The following DSCAM variants were observed in gnomAD, a reference collection of about 807,000 sequenced individuals.
DSCAM encodes cell adhesion molecule DSCAM.
In DSCAM, 47 loss-of-function variants were observed where a neutral mutation model predicts 217.7. That is an observed-to-expected ratio of 0.22 (90% confidence interval 0.17 to 0.28). The LOEUF (loss-of-function observed/expected upper bound fraction) is 0.28. DSCAM is among the 10% of genes least tolerant of loss of function. DSCAM has a pLI of 1.00. For synonymous variants in DSCAM, 1,056 were observed against 1,015.3 expected, an observed-to-expected ratio of 1.04 and a Z score of -0.76; for missense variants, 2,080 against 2,618.3, an observed-to-expected ratio of 0.79 and a Z score of 4.49.
At chr21:40,678,237 T>C (rs36055751) in intron 3 of DSCAM, among the ~76,000 whole-genome samples, 52,849 of 152,026 alleles carry the variant, frequency 0.35, 10,585 homozygotes, top group Non-Finnish European at 0.45. Flanking sequence ...TTTTGTGTCT[T>C]TTTAAAACAG....
chr21:40,259,623 T>G (rs1220948478), intron 11 of DSCAM, among the ~76,000 whole-genome samples: 1 of 150,560 alleles, frequency 6.6e-6, no homozygotes, highest in Non-Finnish European at 1.5e-5. Context: ...GGTTACTGAA[T>G]AGTTCTTAGA....
At chr21:40,618,011 A>G (rs1278775527) in intron 3 of DSCAM, among the ~76,000 whole-genome samples, 2 of 152,216 alleles carry the variant, frequency 1.3e-5, no homozygotes, top group African/African-American at 2.4e-5. Context: ...AAGCCTCACG[A>G]ACCATAGGAA....
At chr21:40,565,693 G>A (rs2076758971) in intron 3 of DSCAM, among the ~76,000 whole-genome samples, 1 of 152,194 alleles carries the variant, frequency 6.6e-6, no homozygotes, top group Admixed American at 6.5e-5. Context: ...CTTATCTGAA[G>A]AAGGGCCATA....
At chr21:40,342,664 T>TTTG (rs2074510471) in intron 6 of DSCAM, among the ~76,000 whole-genome samples, 1 of 135,996 alleles carries the variant, frequency 7.4e-6, no homozygotes, top group Non-Finnish European at 1.5e-5. Context: ...TTTTTTTTTT[T>TTTG]GAGACAGTGT....
Position 40,042,598 on chromosome 21 carries a change from T to A in DSCAM, c.5459A>T (p.His1820Leu). The change falls in exon 32 of 33, where the codon CAC (histidine) becomes CTC (leucine). Residue 1820 changes from histidine (H) to leucine (L), a missense_variant. His to Leu is a moderately conservative substitution (Grantham distance 99). This residue lies in a region of DSCAM where 1,144 missense variants were observed against 1,421.1 expected (regional missense o/e 0.81). Transcript: ENST00000400454. ...TYEELARAYE[H>L]AKMEEQLRHA... ...CCTCAGTTGCTCTTCCATCTTGGCGTGTTCGTAGGCCCTGGCCAGTTCTTC... is the reference window on the plus strand; with the variant it reads ...CCTCAGTTGCTCTTCCATCTTGGCGAGTTCGTAGGCCCTGGCCAGTTCTTC... The A allele has an allele frequency of 6.2e-7, 1 of 1,614,122 alleles. No homozygotes were observed. Among genetic ancestry groups the A allele is most frequent in the Non-Finnish European group, 8.5e-7 (1 of 1,180,016 alleles).
At chr21:40,734,765 T>C (rs762723981) in intron 1 of DSCAM, among the ~76,000 whole-genome samples, 3 of 152,218 alleles carry the variant, frequency 2.0e-5, no homozygotes, top group Non-Finnish European at 4.4e-5. Flanking sequence ...CTTTTTTCCT[T>C]CTAATGTTGT....
At chr21:40,338,988 G>T in intron 7 of DSCAM, 131 bp downstream of exon 7, 1 of 1,157,042 alleles carries the variant, frequency 8.6e-7, no homozygotes. Context: ...GTAGGAAGGA[G>T]AGGGTAGGAA....
At chr21:40,450,282 A>G (rs1053573290) in intron 3 of DSCAM, among the ~76,000 whole-genome samples, 2 of 152,216 alleles carry the variant, frequency 1.3e-5, no homozygotes, top group Non-Finnish European at 2.9e-5. Context: ...AATCACTTTT[A>G]GTTTGCTGAA....
At chr21:40,766,344 T>TA (rs1012834400) in intron 1 of DSCAM, among the ~76,000 whole-genome samples, 4 of 152,068 alleles carry the variant, frequency 2.6e-5, no homozygotes, top group Non-Finnish European at 5.9e-5. Flanking sequence ...TATATATATA[T>TA]ATTTTCAAAG....
At chr21:40,743,176 C>G (rs1277862203) in intron 1 of DSCAM, among the ~76,000 whole-genome samples, 1 of 152,150 alleles carries the variant, frequency 6.6e-6, no homozygotes, top group Non-Finnish European at 1.5e-5. Flanking sequence ...AGCTACAGAA[C>G]AGATTTTATT....
At chr21:40,563,440 T>C (rs892627421) in intron 3 of DSCAM, among the ~76,000 whole-genome samples, 1 of 148,106 alleles carries the variant, frequency 6.8e-6, no homozygotes, top group Non-Finnish European at 1.5e-5. Flanking sequence ...AGATCAATGA[T>C]AATACTATCT....
At chr21:40,177,061 AAGG>A (rs1351556445) in intron 15 of DSCAM, among the ~76,000 whole-genome samples, 2 of 143,280 alleles carry the variant, frequency 1.4e-5, no homozygotes, top group African/African-American at 4.9e-5. Context: ...CTTGAGAGAG[AAGG>A]AGAAGATTGA....
At chr21:40,671,109 CGTGA>C (rs564161974) in intron 3 of DSCAM, among the ~76,000 whole-genome samples, 617 of 152,284 alleles carry the variant, frequency 4.1e-3, no homozygotes, top group Non-Finnish European at 5.2e-3. Context: ...TAGTCACATA[CGTGA>C]GTGTCTAAAA....
intron 3 of DSCAM, among the ~76,000 whole-genome samples, chr21:40,665,577 G>A (rs8131221): frequency 0.34 from 51,951 of 151,920 alleles, 9,844 homozygotes; most frequent in Non-Finnish European, 0.43. Flanking sequence ...GAAATTCCCC[G>A]TACAGCCCCC....
intron 3 of DSCAM, among the ~76,000 whole-genome samples, chr21:40,652,483 T>A (rs1452401032): frequency 1.3e-5 from 2 of 152,180 alleles, no homozygotes; most frequent in Non-Finnish European, 2.9e-5. Context: ...GAACCATTTT[T>A]TTCCACCCAG....
At chr21:40,059,510 C>T (rs2089080948) in intron 28 of DSCAM, among the ~76,000 whole-genome samples, 1 of 152,146 alleles carries the variant, frequency 6.6e-6, no homozygotes, top group Non-Finnish European at 1.5e-5. Context: ...GGCCAGGAAT[C>T]CCTGGGGACC....
intron 11 of DSCAM, among the ~76,000 whole-genome samples, chr21:40,244,025 C>A (rs1254146523): frequency 6.6e-6 from 1 of 152,090 alleles, no homozygotes; most frequent in African/African-American, 2.4e-5. Flanking sequence ...TTGTTCCTTC[C>A]CCATTTAGAC....
intron 3 of DSCAM, among the ~76,000 whole-genome samples, chr21:40,649,453 G>A (rs997674283): frequency 4.6e-5 from 7 of 152,146 alleles, no homozygotes; most frequent in African/African-American, 1.7e-4. Context: ...AACTATTTCT[G>A]ATTACCAACT....
rs1369877128 is a variant in DSCAM at position 40,703,571 on chromosome 21, C to T, written c.361+4883G>A. Among the ~76,000 whole-genome samples, 3 of 152,068 alleles carry T rather than the reference C, an allele frequency of 2.0e-5. No homozygotes were observed. The East Asian group carries it at 5.8e-4, about 29-fold the overall frequency. ...ACACACACACACCCAACAGCAACAA[C>T]AAAAATCCTGTCTACTGTCATTCTT... On this transcript the variant is annotated intron_variant, in intron 2 of 32. Coordinates refer to ENST00000400454, the MANE Select transcript of DSCAM (RefSeq NM_001389.5).
Sources: allele counts gnomAD v4.1 joint callset (sites outside exome capture counted in the v4.1 genomes callset), GRCh38; gene constraint gnomAD v4.1.1; regional missense constraint gnomAD v4.1.1; transcripts MANE v1.5; gene names NCBI Gene and HGNC (gene_info 2026-07-23, HGNC 2026-07-21).